Variants in PCSK5 observed in about 807,000 individuals in gnomAD.
PCSK5 encodes proprotein convertase subtilisin/kexin type 5.
In PCSK5, 129 loss-of-function variants were observed where a neutral mutation model predicts 233.2. The ratio of observed to expected loss-of-function variants is 0.55; its 90% CI spans 0.48 to 0.64. The LOEUF is 0.64. Among genes scored for constraint, PCSK5 ranks in the 30% least tolerant of loss-of-function variants. PCSK5 has a pLI of 0.00. For missense variants in PCSK5, 2,076 were observed against 2,430.1 expected (o/e 0.85, Z 3.06); for synonymous variants, 825 against 879.2 (o/e 0.94, Z 1.09).
At chr9:76,313,012 G>A (rs1052521738) in intron 30 of PCSK5, among the ~76,000 whole-genome samples, 1 of 152,000 alleles carries the variant, frequency 6.6e-6, no homozygotes, top group African/African-American at 2.4e-5. Flanking sequence ...ACTATTTTTT[G>A]AATGCTTGCA....
At chr9:75,945,183 TATATA>T (rs1265324859) in intron 2 of PCSK5, among the ~76,000 whole-genome samples, 11 of 150,642 alleles carry the variant, frequency 7.3e-5, no homozygotes, top group Non-Finnish European at 1.3e-4. Flanking sequence ...ATGTCATACA[TATATA>T]ATATAACATA....
chr9:76,349,310 A>G (rs1287598048), intron 35 of PCSK5, among the ~76,000 whole-genome samples: 2 of 151,366 alleles, frequency 1.3e-5, no homozygotes, highest in African/African-American at 4.8e-5. Flanking sequence ...AAAAAGAAAA[A>G]TGTAGAATGG....
intron 5 of PCSK5, among the ~76,000 whole-genome samples, chr9:76,030,480 A>G (rs1396324679): frequency 6.6e-6 from 1 of 152,222 alleles, no homozygotes; most frequent in African/African-American, 2.4e-5. Flanking sequence ...GTGACACACA[A>G]TAATCCAACA....
intron 1 of PCSK5, among the ~76,000 whole-genome samples, chr9:75,897,712 C>A (rs1035320787): frequency 6.6e-6 from 1 of 151,934 alleles, no homozygotes; most frequent in African/African-American, 2.4e-5. Context: ...AGGCTTGTCT[C>A]CAACTCCTGA....
chr9:75,951,298 T>G (rs1287866652), intron 2 of PCSK5, among the ~76,000 whole-genome samples: 1 of 152,198 alleles, frequency 6.6e-6, no homozygotes, highest in Non-Finnish European at 1.5e-5. Context: ...GAATAAAACT[T>G]AGAGACAGAC....
chr9:76,175,654 A>T (rs1413503129), intron 14 of PCSK5: 1 of 156,314 alleles, frequency 6.4e-6, no homozygotes. Context: ...TAGGGCTTGG[A>T]AACATTTTGT....
At chr9:75,952,598 C>A (rs959588955) in intron 2 of PCSK5, among the ~76,000 whole-genome samples, 2 of 152,186 alleles carry the variant, frequency 1.3e-5, no homozygotes, top group Non-Finnish European at 2.9e-5. Flanking sequence ...CAAAAATTCT[C>A]ATGGGTCCCT....
At chr9:75,925,860 G>A (rs1344156909) in intron 1 of PCSK5, among the ~76,000 whole-genome samples, 1 of 152,210 alleles carries the variant, frequency 6.6e-6, no homozygotes, top group African/African-American at 2.4e-5. Flanking sequence ...AAGTGCTAAG[G>A]AAGCATCACA....
chr9:75,986,819 A>G (rs1309747893), intron 3 of PCSK5, among the ~76,000 whole-genome samples: 1 of 152,204 alleles, frequency 6.6e-6, no homozygotes, highest in African/African-American at 2.4e-5. Flanking sequence ...AAGGAAACCT[A>G]CTTAACATGT....
chr9:76,269,873 GAT>G (rs1827454272), intron 24 of PCSK5, among the ~76,000 whole-genome samples: 1 of 152,216 alleles, frequency 6.6e-6, no homozygotes, highest in Non-Finnish European at 1.5e-5. Flanking sequence ...AGAGGGAAAG[GAT>G]AGATTCTCTG....
chr9:75,947,342 A>T (rs2131314797), intron 2 of PCSK5, among the ~76,000 whole-genome samples: 1 of 152,350 alleles, frequency 6.6e-6, no homozygotes, highest in African/African-American at 2.4e-5. Flanking sequence ...GAGTCAGGAT[A>T]GAAAATAGAA....
At chr9:76,320,302 C>T in intron 30 of PCSK5, among the ~76,000 whole-genome samples, 1 of 151,504 alleles carries the variant, frequency 6.6e-6, no homozygotes, top group East Asian at 2.0e-4. Flanking sequence ...TGGTGGCACG[C>T]ACCTCTAGTC....
chr9:75,932,447 C>G lies in PCSK5; in HGVS notation c.261C>G (p.Ser87Arg). Residue 87 changes from serine to arginine, a missense_variant, in exon 2 of 38, where the codon AGC (serine) becomes AGG (arginine). Transcript: ENST00000674117. ...CGATTAAAAGGTCAGTTATCTCGAG[C>G]AGAGGGACCCACAGTTTCATTTCAA... The part of the protein sequence containing the change: ...SRTIKRSVIS[S>R]RGTHSFISME... 1 of 1,612,524 alleles carries G rather than the reference C, an allele frequency of 6.2e-7. No homozygotes were observed. Among genetic ancestry groups the G allele is most frequent in the Non-Finnish European group, 8.5e-7 (1 of 1,178,572 alleles).
chr9:76,231,475 A>G (rs748901864), intron 21 of PCSK5, among the ~76,000 whole-genome samples: 3 of 152,246 alleles, frequency 2.0e-5, no homozygotes, highest in Non-Finnish European at 4.4e-5. Context: ...CCCTTTCTCA[A>G]TTGATTTTAG....
chr9:76,332,830 G>A (rs990002414), intron 34 of PCSK5, among the ~76,000 whole-genome samples: 12 of 152,298 alleles, frequency 7.9e-5, no homozygotes, highest in Admixed American at 3.9e-4. Context: ...TTGTCAAGCC[G>A]GACTCACCTG....
chr9:76,211,561 C>T (rs912357000), intron 20 of PCSK5, among the ~76,000 whole-genome samples: 1 of 152,182 alleles, frequency 6.6e-6, no homozygotes, highest in Non-Finnish European at 1.5e-5. Flanking sequence ...CTCAAAAGAT[C>T]TTAAGTCTGG....
intron 24 of PCSK5, among the ~76,000 whole-genome samples, chr9:76,251,350 T>C (rs2131345043): frequency 1.3e-5 from 2 of 151,746 alleles, no homozygotes; most frequent in African/African-American, 4.8e-5. Context: ...GATCATGAGG[T>C]CAGAAGTTCA....
At chr9:76,057,648 A>G (rs1309798392) in intron 5 of PCSK5, among the ~76,000 whole-genome samples, 3 of 152,172 alleles carry the variant, frequency 2.0e-5, no homozygotes, top group Admixed American at 6.5e-5. Context: ...AATAGTCACT[A>G]TATTATTCAC....
intron 24 of PCSK5, among the ~76,000 whole-genome samples, chr9:76,270,378 G>A (rs1024593100): frequency 6.6e-6 from 1 of 152,168 alleles, no homozygotes; most frequent in Non-Finnish European, 1.5e-5. Context: ...TCCCTTATCT[G>A]TCTGAATGGA....
Sources: gnomAD v4.1 joint callset for allele counts (sites outside exome capture counted in the v4.1 genomes callset) on GRCh38, gnomAD v4.1.1 for gene constraint, MANE v1.5 for transcripts, NCBI Gene and HGNC (gene_info 2026-07-23, HGNC 2026-07-21) for gene names.